The following CACNA1D variants were observed in gnomAD, a reference collection of about 807,000 sequenced individuals.
The protein encoded by CACNA1D is voltage-dependent L-type calcium channel subunit alpha-1D.
In CACNA1D, 55 loss-of-function variants were observed where a neutral mutation model predicts 257.1. That is an observed-to-expected ratio of 0.21 (90% CI 0.17 to 0.27). The LOEUF (loss-of-function observed/expected upper bound fraction) is 0.27, where lower values mean the gene tolerates loss of function less well. Ranked by LOEUF, CACNA1D falls within the 10% of genes least tolerant of loss-of-function variation. The probability of loss-of-function intolerance (pLI) is 1.00; values close to 1 mark genes in which losing one functional copy is unlikely to be tolerated. For synonymous variants in CACNA1D, 980 were observed against 1,014.9 expected, an observed-to-expected ratio of 0.97 and a Z score of 0.65; for missense variants, 1,876 against 2,784.0, an observed-to-expected ratio of 0.67 and a Z score of 7.34.
intron 3 of CACNA1D, among the ~76,000 whole-genome samples, chr3:53,554,127 C>T (rs560971845): frequency 4.6e-5 from 7 of 150,590 alleles, no homozygotes; most frequent in South Asian, 2.1e-4. Flanking sequence ...ACCCGGGAGG[C>T]GGAGCTTGCA....
At chr3:53,561,197 T>C (rs920882471) in intron 3 of CACNA1D, among the ~76,000 whole-genome samples, 3 of 152,192 alleles carry the variant, frequency 2.0e-5, no homozygotes, top group African/African-American at 7.2e-5. Flanking sequence ...GCTGTTGCTC[T>C]TCACACTCTA....
At chr3:53,781,513 A>C in intron 38 of CACNA1D, 53 bp from the exon 39 acceptor site, 2 of 1,184,842 alleles carry the variant, frequency 1.7e-6, no homozygotes. Flanking sequence ...GCAGAGGAGG[A>C]GCTGGGGAAC....
chr3:53,737,908 G>C (rs780627145), intron 20 of CACNA1D, among the ~76,000 whole-genome samples: 2 of 152,246 alleles, frequency 1.3e-5, no homozygotes, highest in Non-Finnish European at 2.9e-5. Flanking sequence ...CCCGCTGACT[G>C]TGTCTGTGTT....
intron 5 of CACNA1D, among the ~76,000 whole-genome samples, chr3:53,663,013 T>C (rs891970389): frequency 2.0e-5 from 3 of 152,126 alleles, no homozygotes; most frequent in Non-Finnish European, 2.9e-5. Context: ...ATATTGAAAA[T>C]CATCCTAATT....
chr3:53,730,612 A>G (rs1051933109), intron 16 of CACNA1D, 56 bp downstream of exon 16: 2 of 1,296,040 alleles, frequency 1.5e-6, no homozygotes, highest in South Asian at 1.2e-5. Flanking sequence ...GAGCCCTGCA[A>G]CAGTTGCAGC....
At chr3:53,650,094 G>A in intron 3 of CACNA1D, among the ~76,000 whole-genome samples, 2 of 152,228 alleles carry the variant, frequency 1.3e-5, no homozygotes, top group East Asian at 3.9e-4. Flanking sequence ...GCTCTGCCTA[G>A]GTTTCCTGGG....
chr3:53,742,975 C>T (rs1559608896), intron 21 of CACNA1D, 36 bp from the exon 22 acceptor site: 1 of 1,395,902 alleles, frequency 7.2e-7, no homozygotes, highest in South Asian at 1.2e-5. Context: ...CCTTTGGAGA[C>T]AAAAAATGGT....
intron 8 of CACNA1D, among the ~76,000 whole-genome samples, chr3:53,678,508 T>G (rs1457030118): frequency 1.3e-5 from 2 of 152,214 alleles, no homozygotes; most frequent in Non-Finnish European, 2.9e-5. Context: ...TATAGGCCTA[T>G]TTATCTTTAG....
rs531534489 is a variant in CACNA1D at position 53,571,819 on chromosome 3, G to A, written c.483+70099G>A. ...TACAAAAAAGCGTGTCCTGTGTGAC[G>A]ATGACTGTGACTGTCCCAAGCTGTT... On this transcript the variant is annotated intron_variant, in intron 3 of 47. Coordinates refer to ENST00000350061, the MANE Select transcript of CACNA1D (RefSeq NM_001128840.3). Among the ~76,000 whole-genome samples, 4 of 152,304 alleles carry A rather than the reference G, an allele frequency of 2.6e-5. No homozygotes were observed. The South Asian group carries it at 6.2e-4, about 24-fold the overall frequency.
chr3:53,578,450 T>C (rs550178774), intron 3 of CACNA1D, among the ~76,000 whole-genome samples: 2 of 152,248 alleles, frequency 1.3e-5, no homozygotes, highest in Non-Finnish European at 2.9e-5. Flanking sequence ...AGTTCATTGC[T>C]CTATTCAAGG....
intron 3 of CACNA1D, among the ~76,000 whole-genome samples, chr3:53,628,568 A>G (rs1223439680): frequency 6.6e-6 from 1 of 152,172 alleles, no homozygotes; most frequent in Non-Finnish European, 1.5e-5. Context: ...CAGAGTAAAA[A>G]CTGAAGCTGC....
chr3:53,550,914 C>T (rs1159481140), intron 3 of CACNA1D, among the ~76,000 whole-genome samples: 4 of 152,054 alleles, frequency 2.6e-5, no homozygotes, highest in Non-Finnish European at 4.4e-5. Context: ...TAGTCAGCTC[C>T]CTCTGAAATA....
intron 45 of CACNA1D, 189 bp from the exon 46 acceptor site, chr3:53,808,460 C>A: frequency 1.5e-6 from 1 of 645,476 alleles, no homozygotes; most frequent in Non-Finnish European, 2.8e-6. Flanking sequence ...AAACATCCCT[C>A]ACTGGGGCTT....
intron 3 of CACNA1D, among the ~76,000 whole-genome samples, chr3:53,558,446 T>C (rs1316552241): frequency 6.6e-6 from 1 of 152,220 alleles, no homozygotes; most frequent in Non-Finnish European, 1.5e-5. Context: ...ATAGGCCTGT[T>C]CCAATTTTCC....
At chr3:53,762,918 C>T (rs993137236) in intron 30 of CACNA1D, among the ~76,000 whole-genome samples, 4 of 152,228 alleles carry the variant, frequency 2.6e-5, no homozygotes, top group South Asian at 4.1e-4. Context: ...ATTGTGTGTC[C>T]GTGTGAATGT....
chr3:53,677,022 T>C (rs1357694464), intron 8 of CACNA1D, among the ~76,000 whole-genome samples: 2 of 152,232 alleles, frequency 1.3e-5, no homozygotes, highest in African/African-American at 4.8e-5. Flanking sequence ...AATTCAGACA[T>C]ATTACACGTG....
At chr3:53,687,392 T>C (rs1449831688) in intron 8 of CACNA1D, among the ~76,000 whole-genome samples, 1 of 152,126 alleles carries the variant, frequency 6.6e-6, no homozygotes. Flanking sequence ...AATACAATGT[T>C]TGACATAAAG....
At chr3:53,565,633 A>G in intron 3 of CACNA1D, among the ~76,000 whole-genome samples, 1 of 152,336 alleles carries the variant, frequency 6.6e-6, no homozygotes, top group African/African-American at 2.4e-5. Flanking sequence ...AAATATACTG[A>G]GGAACTTCAA....
At chr3:53,669,507 C>A (rs1170759667) in intron 7 of CACNA1D, among the ~76,000 whole-genome samples, 1 of 152,254 alleles carries the variant, frequency 6.6e-6, no homozygotes, top group African/African-American at 2.4e-5. Flanking sequence ...TAGGCACTTA[C>A]ATATGGTGGA....
Sources: allele counts gnomAD v4.1 joint callset (sites outside exome capture counted in the v4.1 genomes callset), GRCh38; gene constraint gnomAD v4.1.1; transcripts MANE v1.5; gene names NCBI Gene and HGNC (gene_info 2026-07-23, HGNC 2026-07-21).